The following ANKRD35 variants were observed in gnomAD, a reference collection of about 807,000 sequenced individuals.
ANKRD35 encodes ankyrin repeat domain 35, also known as ankyrin repeat domain-containing protein 35.
In ANKRD35, 102 loss-of-function variants were observed where a neutral mutation model predicts 109.9. The observed-to-expected ratio is 0.93, with a 90% CI of 0.79 to 1.09. The LOEUF (loss-of-function observed/expected upper bound fraction) is 1.09, where lower values mean the gene tolerates loss of function less well. Ranked by LOEUF, ANKRD35 falls within the 50% of genes least tolerant of loss-of-function variation. The pLI is 0.00. For missense variants in ANKRD35, 1,240 were observed against 1,230.1 expected (o/e 1.01, Z -0.12); for synonymous variants, 515 against 512.4 (o/e 1.01, Z -0.07).
intron 3 of ANKRD35, 152 bp downstream of exon 3, chr1:145,878,239 A>G (rs1654155566): frequency 1.1e-6 from 1 of 913,370 alleles, no homozygotes; most frequent in African/African-American, 1.6e-5. Flanking sequence ...GCTTACGGGG[A>G]GGGGAACTCC....
chr1:145,870,693 A>G (rs761042806), intron 10 of ANKRD35, among the ~76,000 whole-genome samples: 3 of 151,426 alleles, frequency 2.0e-5, no homozygotes, highest in Non-Finnish European at 4.4e-5. Context: ...CACACTATAG[A>G]AAACATACAT....
intron 1 of ANKRD35, among the ~76,000 whole-genome samples, chr1:145,882,124 T>G: frequency 6.6e-6 from 1 of 151,082 alleles, no homozygotes; most frequent in Non-Finnish European, 1.5e-5. Flanking sequence ...CCGGATAATT[T>G]TTTGTATTTT....
intron 7 of ANKRD35, among the ~76,000 whole-genome samples, chr1:145,875,703 C>A (rs1553739929): frequency 6.6e-6 from 1 of 152,130 alleles, no homozygotes; most frequent in Non-Finnish European, 1.5e-5. Flanking sequence ...CACCCACCAC[C>A]ATGCCTGACC....
chr1:145,870,019 T>C (rs1173603456), intron 10 of ANKRD35, among the ~76,000 whole-genome samples: 2 of 151,878 alleles, frequency 1.3e-5, no homozygotes, highest in African/African-American at 2.4e-5. Flanking sequence ...CTAGCAGTAA[T>C]AGGAATAGTG....
At chr1:145,867,532 CT>C in intron 12 of ANKRD35, 140 bp from the exon 13 acceptor site, 3 of 677,220 alleles carry the variant, frequency 4.4e-6, no homozygotes, top group Admixed American at 2.6e-5. Context: ...TTCTCCATGG[CT>C]TTTTCCCTAT....
In ANKRD35 at chr1:145,878,406, T is replaced by C. The variant is rs782403820; in HGVS notation, c.244A>G (p.Ser82Gly). Reference sequence around the variant, plus strand: ...GCTCACTCACCATCCTCATTCTTGCTGTTGATGTCAGCCCCATTTGCAAGC... The same window carrying C: ...GCTCACTCACCATCCTCATTCTTGCCGTTGATGTCAGCCCCATTTGCAAGC... ...ILLANGADIN[S>G]KNEDGSTALH... The change falls in exon 3 of 14, where the codon AGC becomes GGC. Residue 82 changes from serine to glycine, a missense_variant. Coordinates refer to ENST00000355594, the MANE Select transcript of ANKRD35 (RefSeq NM_144698.5). 2.0e-5 allele frequency: 31 copies of C among 1,568,172 alleles called. No homozygotes were observed. The South Asian group carries it at 3.2e-4, about 16-fold the overall frequency.
chr1:145,881,586 C>T, intron 1 of ANKRD35, among the ~76,000 whole-genome samples: 1 of 152,188 alleles, frequency 6.6e-6, no homozygotes, highest in East Asian at 1.9e-4. Flanking sequence ...CCCAGGAAAG[C>T]AGAGAGCTAG....
intron 7 of ANKRD35, 78 bp downstream of exon 7, chr1:145,876,062 C>T: frequency 7.9e-7 from 1 of 1,271,694 alleles, no homozygotes; most frequent in Non-Finnish European, 1.1e-6. Context: ...CAAACACACA[C>T]ACACACACGT....
At chr1:145,884,444 T>G (rs59105326) in intron 1 of ANKRD35, among the ~76,000 whole-genome samples, 7,892 of 152,266 alleles carry the variant, frequency 0.052, 689 homozygotes, top group African/African-American at 0.17. Context: ...TCTGATATTT[T>G]CTTATGAACG....
chr1:145,873,538 TTCCTGGGGCTGAG>T lies in ANKRD35; in HGVS notation c.1218_1230del (p.Asp406GlufsTer35). 1.2e-6 allele frequency: 2 copies of T among 1,614,138 alleles called. No homozygotes were observed. Among genetic ancestry groups the T allele is most frequent in the Non-Finnish European group, 1.7e-6 (2 of 1,180,040 alleles). ...CTTCCATGGACTTCATACTGGATCT[TTCCTGGGGCTGAG>T]TCCTCAGCCTTCTTTGGAGCTAATA... is the stretch of plus-strand genomic sequence containing the variant. On this transcript the variant is annotated frameshift_variant, in exon 10 of 14. Transcript: ENST00000355594. LOFTEE classifies it high-confidence loss of function.
chr1:145,884,273 T>C (rs587646304), intron 1 of ANKRD35, among the ~76,000 whole-genome samples: 2 of 152,292 alleles, frequency 1.3e-5, no homozygotes, highest in African/African-American at 4.8e-5. Flanking sequence ...GTGCATATAA[T>C]AGTAAATACC....
rs782405105 is a variant in ANKRD35, at chr1:145,872,112, G to A, written c.2657C>T (p.Ala886Val). 2 of 1,612,506 alleles carry A rather than the reference G, an allele frequency of 1.2e-6. No homozygotes were observed. The highest frequency in any genetic ancestry group is 4.5e-5 in the East Asian group (2 of 44,854). Residue 886 changes from alanine to valine, a missense_variant, in exon 10 of 14, where the codon GCT (alanine) becomes GTT (valine). Ala to Val is a moderately conservative substitution (Grantham distance 64, BLOSUM62 0). Coordinates refer to ENST00000355594, the MANE Select transcript of ANKRD35 (RefSeq NM_144698.5). ...EERRRSGDLA[A>V]QAAEQERQAS... ...CTGGCGCTCTTGTTCGGCTGCCTGA[G>A]CGGCCAGGTCCCCGCTCCGGCGGCG...
chr1:145,868,241 T>C, intron 11 of ANKRD35, 70 bp downstream of exon 11: 1 of 1,534,824 alleles, frequency 6.5e-7, no homozygotes, highest in Non-Finnish European at 9.0e-7. Flanking sequence ...TCCTAGAATG[T>C]CTCCCACATA....
chr1:145,872,524 G>T lies in ANKRD35; in HGVS notation c.2245C>A (p.Arg749=). ...RHREAQQVLA[R]LQEENQQLRG... ...AACTGCTGGTTTTCTTCTTGCAGCCGAGCCAGCACCTGCTGGGCCTCCCGG... is the reference window on the plus strand; with the variant it reads ...AACTGCTGGTTTTCTTCTTGCAGCCTAGCCAGCACCTGCTGGGCCTCCCGG... Residue 749 remains arginine (R), a synonymous_variant, in exon 10 of 14, where the codon CGG becomes AGG. Transcript: ENST00000355594. 6.2e-7 allele frequency: 1 copy of T among 1,604,774 alleles called. No individual in the cohort carries two copies. Among genetic ancestry groups the T allele is most frequent in the Non-Finnish European group, 8.5e-7 (1 of 1,175,726 alleles).
chr1:145,874,196 T>C lies in ANKRD35; in HGVS notation c.746-4A>G. 6.2e-7 allele frequency: 1 copy of C among 1,613,888 alleles called. No homozygotes were observed. Among genetic ancestry groups the C allele is most frequent in the Non-Finnish European group, 8.5e-7 (1 of 1,179,804 alleles). On this transcript the variant is annotated splice_region_variant and splice_polypyrimidine_tract_variant and intron_variant, in intron 8 of 13. Coordinates refer to ENST00000355594, the MANE Select transcript of ANKRD35 (RefSeq NM_144698.5). ...GGGTGCTGGACTAGCCTCTGACCTA[T>C]AAGAAAAGATATGAGGAAAATGAGA...
chr1:145,882,670 G>A (rs187624042), intron 1 of ANKRD35, among the ~76,000 whole-genome samples: 21 of 152,090 alleles, frequency 1.4e-4, no homozygotes, highest in Non-Finnish European at 2.8e-4. Flanking sequence ...ACTAAGTAGA[G>A]TTTAGAATGG....
chr1:145,868,329 G>T lies in ANKRD35; in HGVS notation c.2859C>A (p.Arg953=), dbSNP rs782042871. The T allele has an allele frequency of 6.2e-7, 1 of 1,614,138 alleles. No homozygotes were observed. The highest frequency in any genetic ancestry group is 8.5e-7 in the Non-Finnish European group (1 of 1,180,022). Residue 953 remains arginine, a synonymous_variant, in exon 11 of 14, where the codon CGC becomes CGA. Transcript: ENST00000355594. The part of the protein sequence containing the change: ...EVLAIRGENA[R]LALQLQDSQK... ...AACATACCTGCAGCTGCAGGGCAAGGCGAGCATTTTCTCCCCGAATTGCTA... is the reference window on the plus strand; with the variant it reads ...AACATACCTGCAGCTGCAGGGCAAGTCGAGCATTTTCTCCCCGAATTGCTA...
intron 8 of ANKRD35, among the ~76,000 whole-genome samples, 154 bp downstream of exon 8, chr1:145,874,668 T>G (rs1283440675): frequency 6.6e-6 from 1 of 152,092 alleles, no homozygotes; most frequent in African/African-American, 2.4e-5. Flanking sequence ...GGGATGGGGA[T>G]TTGGGGTCCT....
At chr1:145,871,844 C>T (rs2101704237) in intron 10 of ANKRD35, 138 bp downstream of exon 10, 1 of 1,094,964 alleles carries the variant, frequency 9.1e-7, no homozygotes, top group Non-Finnish European at 1.3e-6. Flanking sequence ...TAGTGTGGTC[C>T]CTGCAAAGGA....
Sources: gnomAD v4.1 joint callset for allele counts (sites outside exome capture counted in the v4.1 genomes callset) on GRCh38, gnomAD v4.1.1 for gene constraint, MANE v1.5 for transcripts, NCBI Gene and HGNC (gene_info 2026-07-23, HGNC 2026-07-21) for gene names.